The following OLFM3 variants were observed in gnomAD, a reference collection of about 807,000 sequenced individuals.
OLFM3 encodes the protein noelin-3.
In OLFM3, 20 loss-of-function variants were observed where a neutral mutation model predicts 48.6. The ratio of observed to expected loss-of-function variants is 0.41; its 90% CI spans 0.29 to 0.60. The LOEUF is 0.60. Ranked by LOEUF, OLFM3 falls within the 20% of genes least tolerant of loss-of-function variation. The pLI, the probability that OLFM3 is intolerant of heterozygous loss-of-function variation, is 0.28. For missense variants in OLFM3, 437 were observed against 544.3 expected, an observed-to-expected ratio of 0.80 and a Z score of 1.96; for synonymous variants, 222 against 198.1, an observed-to-expected ratio of 1.12 and a Z score of -1.01.
intron 1 of OLFM3, among the ~76,000 whole-genome samples, chr1:101,971,813 G>A: frequency 6.6e-6 from 1 of 152,046 alleles, no homozygotes; most frequent in South Asian, 2.1e-4. Context: ...CTATTCCTAT[G>A]AGAACTAAAG....
chr1:101,918,365 C>T (rs892894715), intron 1 of OLFM3, among the ~76,000 whole-genome samples: 9 of 152,110 alleles, frequency 5.9e-5, no homozygotes, highest in African/African-American at 1.4e-4. Context: ...AAATAGGTAT[C>T]GTGGGGCTGA....
At chr1:101,859,864 C>T (rs1174477217) in intron 1 of OLFM3, 1 of 152,084 alleles carries the variant, frequency 6.6e-6, no homozygotes, top group African/African-American at 2.4e-5. Context: ...CTCGCTTGAA[C>T]AGCACATATA....
chr1:101,959,337 CTT>C (rs34790874), intron 1 of OLFM3, among the ~76,000 whole-genome samples: 26,782 of 105,566 alleles, frequency 0.25, 2,559 homozygotes, highest in Non-Finnish European at 0.26. Flanking sequence ...TCCTCCCCTC[CTT>C]TTTTTTTTTT....
rs1317084768 is a variant in OLFM3 at position 101,968,020 on chromosome 1, C to T, written c.69+28728G>A. On this transcript the variant is annotated intron_variant, in intron 1 of 5. Coordinates refer to ENST00000370103, the MANE Select transcript of OLFM3 (RefSeq NM_058170.4). ...TTGGAAGTTTCAAGTTTCAGGAAGC[C>T]ACCTAGCCAGTTGGTTTATTTTCTT... is the stretch of plus-strand genomic sequence containing the variant. 2.6e-5 allele frequency among the ~76,000 whole-genome samples: 4 copies of T among 152,138 alleles called. No homozygotes were observed. The East Asian group carries it at 7.7e-4, about 29-fold the overall frequency.
intron 4 of OLFM3, 56 bp downstream of exon 4, chr1:101,824,970 T>G: frequency 6.8e-7 from 1 of 1,463,796 alleles, no homozygotes; most frequent in Non-Finnish European, 9.5e-7. Flanking sequence ...AAGAGCACAA[T>G]TTTCTTTGAA....
Position 101,879,943 on chromosome 1 carries a change from T to A in OLFM3, c.70-42918A>T, listed in dbSNP as rs140963022. Among the ~76,000 whole-genome samples the A allele has an allele frequency of 7.0e-4, 107 of 151,834 alleles. No homozygotes were observed. In the East Asian group the frequency reaches 0.017, roughly 24 times the overall value. On this transcript the variant is annotated intron_variant, in intron 1 of 5. Coordinates refer to ENST00000370103, the MANE Select transcript of OLFM3 (RefSeq NM_058170.4). Reference sequence around the variant, plus strand: ...AAAGCTCACAACATTCTTTCCTCCATCTCCTAAAATCTGGGATTATAAAAA... The same window carrying A: ...AAAGCTCACAACATTCTTTCCTCCAACTCCTAAAATCTGGGATTATAAAAA...
intron 3 of OLFM3, among the ~76,000 whole-genome samples, chr1:101,829,891 G>C (rs967055797): frequency 6.6e-6 from 1 of 151,608 alleles, no homozygotes; most frequent in Non-Finnish European, 1.5e-5. Context: ...CTGGAGTGCA[G>C]TGGCGCTGTC....
At chr1:101,962,916 C>T (rs983123387) in intron 1 of OLFM3, among the ~76,000 whole-genome samples, 1 of 152,166 alleles carries the variant, frequency 6.6e-6, no homozygotes, top group Admixed American at 6.6e-5. Context: ...TTATTATGTT[C>T]ATTGGGCTGC....
At chr1:101,835,400 C>T (rs1161206698) in intron 2 of OLFM3, among the ~76,000 whole-genome samples, 8 of 152,152 alleles carry the variant, frequency 5.3e-5, no homozygotes, top group East Asian at 1.9e-4. Flanking sequence ...TTGCAACCTC[C>T]GCCTCCCAGG....
chr1:101,917,008 C>T (rs900560857), intron 1 of OLFM3, among the ~76,000 whole-genome samples: 2 of 151,994 alleles, frequency 1.3e-5, no homozygotes, highest in Non-Finnish European at 2.9e-5. Flanking sequence ...CATAAAGAAA[C>T]CACAAACAGG....
intron 4 of OLFM3, among the ~76,000 whole-genome samples, chr1:101,815,394 C>T (rs1421004301): frequency 6.6e-6 from 1 of 150,420 alleles, no homozygotes; most frequent in African/African-American, 2.5e-5. Context: ...TTGCAGTGAG[C>T]CGAGATCGCG....
intron 1 of OLFM3, among the ~76,000 whole-genome samples, chr1:101,897,443 C>T (rs956809617): frequency 1.3e-5 from 2 of 152,070 alleles, no homozygotes; most frequent in Non-Finnish European, 2.9e-5. Context: ...GCTAAGTGAA[C>T]GCTACTCCCT....
chr1:101,804,562 G>C lies in OLFM3; in HGVS notation c.1053C>G (p.Ile351Met), dbSNP rs774929390. Residue 351 changes from isoleucine to methionine, a missense_variant, in exon 6 of 6, where the codon ATC becomes ATG. Transcript: ENST00000370103. The surrounding 1 kb of genome is among the most constrained non-coding windows in gnomAD (Gnocchi z 4.5). ...CCAAGGTATCTTGGTTAAGTTGGCT[G>C]ATGACAATATTGCCTGCATTCTGGT... ...ATNQNAGNIV[I>M]SQLNQDTLEV... 1 of 1,612,566 alleles carries C rather than the reference G, an allele frequency of 6.2e-7. No homozygotes were observed. Among genetic ancestry groups the C allele is most frequent in the South Asian group, 1.1e-5 (1 of 91,068 alleles).
chr1:101,987,705 G>T (rs1045084239), intron 1 of OLFM3, among the ~76,000 whole-genome samples: 1 of 152,034 alleles, frequency 6.6e-6, no homozygotes, highest in African/African-American at 2.4e-5. Flanking sequence ...TCTGGAATTG[G>T]TCCCTCTAGT....
intron 4 of OLFM3, among the ~76,000 whole-genome samples, chr1:101,811,141 A>G (rs1450512540): frequency 2.0e-5 from 3 of 152,074 alleles, no homozygotes; most frequent in Non-Finnish European, 4.4e-5. Context: ...ACAGATTAAT[A>G]CAATGTCTCG....
chr1:101,825,040 C>T lies in OLFM3; in HGVS notation c.578G>A (p.Cys193Tyr). The change falls in exon 4 of 6, where the codon TGC becomes TAC. Residue 193 changes from cysteine to tyrosine, a missense_variant. Physicochemically the swap from Cys to Tyr is radical, Grantham distance 194 (BLOSUM62 -2). Around this residue, in one of 3 missense-constraint regions of OLFM3, gnomAD observed 314 missense variants for 365.5 expected, o/e 0.86. Transcript: ENST00000370103. ...VLSLETRLRDCMKKLTCGKLM... is the reference protein window; with the variant it reads ...VLSLETRLRDYMKKLTCGKLM... ...GTCATACTCACTTAGCTTTTTCATG[C>T]AGTCACGAAGTCTTGTTTCCAAGCT... is the stretch of plus-strand genomic sequence containing the variant. 6.2e-7 allele frequency: 1 copy of T among 1,613,804 alleles called. No homozygotes were observed. Among genetic ancestry groups the T allele is most frequent in the Non-Finnish European group, 8.5e-7 (1 of 1,179,768 alleles).
At chr1:101,951,667 G>C (rs1660147669) in intron 1 of OLFM3, among the ~76,000 whole-genome samples, 1 of 152,086 alleles carries the variant, frequency 6.6e-6, no homozygotes, top group Admixed American at 6.6e-5. Flanking sequence ...AGATTTCAAA[G>C]GTGTCATTTC....
intron 1 of OLFM3, among the ~76,000 whole-genome samples, chr1:101,864,221 T>A (rs1291090884): frequency 6.6e-6 from 1 of 152,036 alleles, no homozygotes; most frequent in African/African-American, 2.4e-5. Context: ...AAATCTTTAA[T>A]ATTTTATACA....
At chr1:101,877,672 G>GT (rs928293786) in intron 1 of OLFM3, among the ~76,000 whole-genome samples, 83 of 147,536 alleles carry the variant, frequency 5.6e-4, no homozygotes, top group African/African-American at 1.1e-3. Context: ...TTATCAACCT[G>GT]TTTTTTTTTT....
Sources: allele counts gnomAD v4.1 joint callset (sites outside exome capture counted in the v4.1 genomes callset), GRCh38; gene constraint gnomAD v4.1.1; regional missense constraint gnomAD v4.1.1; non-coding constraint Gnocchi (gnomAD v3.1); transcripts MANE v1.5; gene names NCBI Gene and HGNC (gene_info 2026-07-23, HGNC 2026-07-21).